Variants in RBFOX1 observed in about 807,000 individuals in gnomAD.
RBFOX1 encodes RNA binding protein fox-1 homolog 1.
RBFOX1 carries 8 observed loss-of-function variants against 57.7 expected under a neutral mutation model. The ratio of observed to expected loss-of-function variants is 0.14; its 90% CI spans 0.08 to 0.25. The LOEUF (loss-of-function observed/expected upper bound fraction) is 0.25. Among genes scored for constraint, RBFOX1 ranks in the 10% least tolerant of loss-of-function variants. RBFOX1 has a pLI of 1.00. For missense variants in RBFOX1, 611 were observed against 548.5 expected, an observed-to-expected ratio of 1.11 and a Z score of -1.14; for synonymous variants, 326 against 222.4, an observed-to-expected ratio of 1.47 and a Z score of -4.15.
intron 4 of RBFOX1, among the ~76,000 whole-genome samples, chr16:7,094,388 A>T (rs934672862): frequency 2.1e-5 from 3 of 143,486 alleles, no homozygotes; most frequent in Admixed American, 1.4e-4. Context: ...ATCCGAAGAC[A>T]TTCCAGGTGA....
At chr16:7,373,346 C>T (rs924866019) in intron 4 of RBFOX1, among the ~76,000 whole-genome samples, 3 of 152,160 alleles carry the variant, frequency 2.0e-5, no homozygotes, top group Non-Finnish European at 1.5e-5. Context: ...ATAGTAAAGA[C>T]AGTCTTTTGA....
intron 1 of RBFOX1, among the ~76,000 whole-genome samples, chr16:6,295,250 A>C (rs113726301): frequency 2.0e-5 from 3 of 151,820 alleles, no homozygotes; most frequent in Admixed American, 6.6e-5. Flanking sequence ...CAGCCTCCCA[A>C]GTAGCTGGGA....
In RBFOX1 at chr16:6,708,706, C is replaced by T. The variant is rs1015712885; in HGVS notation, c.-16+54056C>T. On this transcript the variant is annotated intron_variant, in intron 3 of 15. Transcript: ENST00000550418. ...ATTCAATAAATCATTAGTATAATTA[C>T]ACCTGTTCCCTTCTTGCCCTAGCCC... is the stretch of plus-strand genomic sequence containing the variant. 3.3e-5 allele frequency among the ~76,000 whole-genome samples: 5 copies of T among 152,224 alleles called. No homozygotes were observed. In the South Asian group the frequency reaches 6.2e-4, roughly 19 times the overall value.
chr16:5,773,880 G>A (rs1597196641), intron 3 of RBFOX1, among the ~76,000 whole-genome samples: 1 of 151,918 alleles, frequency 6.6e-6, no homozygotes, highest in African/African-American at 2.4e-5. Context: ...GTATTTTTAG[G>A]AGAGATGGGG....
intron 3 of RBFOX1, among the ~76,000 whole-genome samples, chr16:6,878,457 C>G (rs146181282): frequency 1.3e-5 from 2 of 152,200 alleles, no homozygotes; most frequent in Non-Finnish European, 2.9e-5. Context: ...CAACACCACC[C>G]TGTCTCTTAC....
chr16:7,131,766 G>T (rs1228166067), intron 4 of RBFOX1, among the ~76,000 whole-genome samples: 1 of 152,036 alleles, frequency 6.6e-6, no homozygotes, highest in Non-Finnish European at 1.5e-5. Context: ...GTTCTCTGAA[G>T]GAGCTTGATT....
intron 10 of RBFOX1, among the ~76,000 whole-genome samples, chr16:7,620,904 C>G (rs1337573755): frequency 3.9e-5 from 6 of 152,050 alleles, no homozygotes; most frequent in African/African-American, 1.4e-4. Context: ...TTGTATAGCA[C>G]CTGAAACCTA....
chr16:6,656,871 G>A (rs913649825), intron 3 of RBFOX1, among the ~76,000 whole-genome samples: 4 of 140,700 alleles, frequency 2.8e-5, no homozygotes, highest in African/African-American at 1.1e-4. Flanking sequence ...TTTAAACAAG[G>A]TAACTCCTCT....
At chr16:7,569,325 C>T (rs895376777) in intron 5 of RBFOX1, among the ~76,000 whole-genome samples, 2 of 152,150 alleles carry the variant, frequency 1.3e-5, no homozygotes, top group Non-Finnish European at 2.9e-5. Flanking sequence ...TTTCTATAGG[C>T]TCATAATTTG....
chr16:5,909,781 G>A (rs2058564264), intron 4 of RBFOX1, among the ~76,000 whole-genome samples: 1 of 152,154 alleles, frequency 6.6e-6, no homozygotes, highest in Non-Finnish European at 1.5e-5. Flanking sequence ...GCTGGGCGTG[G>A]TGGCTCAGGC....
chr16:7,592,508 G>A (rs2094494544), intron 7 of RBFOX1, among the ~76,000 whole-genome samples: 1 of 152,154 alleles, frequency 6.6e-6, no homozygotes, highest in Non-Finnish European at 1.5e-5. Context: ...TGGTAATAAT[G>A]ACTGCTAGTT....
At chr16:5,643,462 C>A (rs1008759564) in intron 3 of RBFOX1, among the ~76,000 whole-genome samples, 1 of 152,178 alleles carries the variant, frequency 6.6e-6, no homozygotes, top group African/African-American at 2.4e-5. Flanking sequence ...TAAAGTAGAG[C>A]TTCTCTGCTG....
intron 2 of RBFOX1, among the ~76,000 whole-genome samples, chr16:6,340,399 G>C (rs1599810505): frequency 6.6e-6 from 1 of 152,194 alleles, no homozygotes; most frequent in Non-Finnish European, 1.5e-5. Flanking sequence ...CAAATCCACA[G>C]AGTAAAGTGA....
At chr16:7,246,633 C>CT (rs56654382) in intron 4 of RBFOX1, among the ~76,000 whole-genome samples, 2,791 of 105,422 alleles carry the variant, frequency 0.026, 84 homozygotes, top group East Asian at 0.091. Context: ...TGGTCACCTC[C>CT]TTTTTTTTTT....
intron 4 of RBFOX1, among the ~76,000 whole-genome samples, chr16:5,960,392 C>T (rs2059724494): frequency 6.6e-6 from 1 of 152,156 alleles, no homozygotes; most frequent in African/African-American, 2.4e-5. Context: ...TATTAGATTT[C>T]ACATTACCAC....
At chr16:5,750,384 T>G (rs902539693) in intron 3 of RBFOX1, among the ~76,000 whole-genome samples, 1 of 152,234 alleles carries the variant, frequency 6.6e-6, no homozygotes, top group Non-Finnish European at 1.5e-5. Flanking sequence ...ACTAGTACTC[T>G]CTTCAAAGCT....
At chr16:7,059,454 A>G (rs973115880) in intron 4 of RBFOX1, among the ~76,000 whole-genome samples, 1 of 152,200 alleles carries the variant, frequency 6.6e-6, no homozygotes, top group African/African-American at 2.4e-5. Flanking sequence ...AGGTATAATA[A>G]TATACTAAAA....
intron 2 of RBFOX1, among the ~76,000 whole-genome samples, chr16:6,598,819 A>ACG (rs1567825390): frequency 3.8e-4 from 57 of 151,792 alleles, no homozygotes; most frequent in African/African-American, 1.2e-3. Context: ...GGTGGCATGC[A>ACG]CCTGTAGTCC....
chr16:5,691,077 T>G (rs937810256), intron 3 of RBFOX1, among the ~76,000 whole-genome samples: 1 of 152,238 alleles, frequency 6.6e-6, no homozygotes, highest in Non-Finnish European at 1.5e-5. Context: ...TCACCCTGAC[T>G]GTGGCTCTCT....
Sources: allele counts gnomAD v4.1 joint callset (sites outside exome capture counted in the v4.1 genomes callset), GRCh38; gene constraint gnomAD v4.1.1; transcripts MANE v1.5; gene names NCBI Gene and HGNC (gene_info 2026-07-23, HGNC 2026-07-21).